Variants in LRRC4C observed in about 807,000 individuals in gnomAD.
The protein encoded by LRRC4C is leucine-rich repeat-containing protein 4C.
In LRRC4C, 5 loss-of-function variants were observed where a neutral mutation model predicts 33.6. That is an observed-to-expected ratio of 0.15 (90% confidence interval 0.08 to 0.31). The LOEUF is 0.31. Ranked by LOEUF, LRRC4C falls within the 10% of genes least tolerant of loss-of-function variation. LRRC4C has a pLI of 1.00. For missense variants in LRRC4C, 560 were observed against 796.7 expected (o/e 0.70, Z 3.58); for synonymous variants, 329 against 302.0 (o/e 1.09, Z -0.93).
At chr11:40,775,450 C>T (rs1215161037) in intron 2 of LRRC4C, among the ~76,000 whole-genome samples, 7 of 151,430 alleles carry the variant, frequency 4.6e-5, no homozygotes, top group Non-Finnish European at 1.5e-5. Context: ...GACTTGAGGA[C>T]ATATAATCTC....
chr11:40,518,620 A>G (rs545009026), intron 3 of LRRC4C, among the ~76,000 whole-genome samples: 3 of 152,270 alleles, frequency 2.0e-5, no homozygotes, highest in Admixed American at 6.5e-5. Context: ...TGGAGACGAT[A>G]TGGAGAAATA....
chr11:40,300,335 G>A (rs1944710493), intron 4 of LRRC4C, among the ~76,000 whole-genome samples: 2 of 152,178 alleles, frequency 1.3e-5, no homozygotes, highest in South Asian at 4.1e-4. Flanking sequence ...ATGTGTTCAA[G>A]GCTTCATGAA....
intron 1 of LRRC4C, among the ~76,000 whole-genome samples, chr11:41,001,947 C>T (rs1854413742): frequency 6.6e-6 from 1 of 151,354 alleles, no homozygotes; most frequent in Admixed American, 6.6e-5. Flanking sequence ...CTTTACTAAA[C>T]ATGTGGTTAC....
chr11:40,957,301 T>C (rs1035905622), intron 1 of LRRC4C, among the ~76,000 whole-genome samples: 1 of 151,742 alleles, frequency 6.6e-6, no homozygotes. Flanking sequence ...GGCGGGCTAG[T>C]ATCACAGGTA....
chr11:41,031,797 A>G (rs1046099079), intron 1 of LRRC4C, among the ~76,000 whole-genome samples: 1 of 152,046 alleles, frequency 6.6e-6, no homozygotes, highest in Non-Finnish European at 1.5e-5. Flanking sequence ...GCCAAGTTCT[A>G]GAAAGAGCAG....
chr11:40,777,413 G>T (rs1453450546), intron 2 of LRRC4C, among the ~76,000 whole-genome samples: 1 of 151,410 alleles, frequency 6.6e-6, no homozygotes, highest in East Asian at 1.9e-4. Flanking sequence ...CTAATTTGGG[G>T]TGTGTATATG....
chr11:41,191,481 G>A (rs1212084867), intron 1 of LRRC4C, among the ~76,000 whole-genome samples: 1 of 152,098 alleles, frequency 6.6e-6, no homozygotes, highest in Non-Finnish European at 1.5e-5. Context: ...GTAGTGAAAA[G>A]AAAAAGTGGA....
At chr11:40,634,389 G>C (rs188410159) in intron 3 of LRRC4C, among the ~76,000 whole-genome samples, 9 of 152,222 alleles carry the variant, frequency 5.9e-5, no homozygotes, top group Admixed American at 2.6e-4. Flanking sequence ...CAGATGAAAG[G>C]AAGTTGGTTT....
Position 40,865,511 on chromosome 11 carries a change from G to GTATATATA in LRRC4C, c.-407+68116_-407+68123dup, listed in dbSNP as rs68153820. On this transcript the variant is annotated intron_variant, in intron 2 of 6. Transcript: ENST00000528697. ...GTCAGATTTAGCCATTCCACAGTGT[G>GTATATATA]TATATATATATATATATATATAATT... 3.3e-3 allele frequency among the ~76,000 whole-genome samples: 479 copies of GTATATATA among 147,040 alleles called. 3 individuals carry two copies. Among genetic ancestry groups the GTATATATA allele is most frequent in the African/African-American group, 0.011 (426 of 40,036 alleles).
intron 5 of LRRC4C, among the ~76,000 whole-genome samples, chr11:40,204,550 G>T (rs969747204): frequency 2.0e-5 from 3 of 152,030 alleles, no homozygotes; most frequent in East Asian, 1.9e-4. Flanking sequence ...AGACAGCATC[G>T]CTATCTCCCA....
chr11:40,231,563 C>T (rs1285501582), intron 5 of LRRC4C, among the ~76,000 whole-genome samples: 1 of 152,120 alleles, frequency 6.6e-6, no homozygotes, highest in Admixed American at 6.5e-5. Context: ...TACTAAATCA[C>T]TTTAAATTAT....
At chr11:40,349,858 A>T (rs920109900) in intron 3 of LRRC4C, among the ~76,000 whole-genome samples, 1 of 152,050 alleles carries the variant, frequency 6.6e-6, no homozygotes, top group African/African-American at 2.4e-5. Flanking sequence ...CTTGTTTGCC[A>T]TTTGTATGCG....
intron 3 of LRRC4C, among the ~76,000 whole-genome samples, chr11:40,436,733 C>A (rs1346629741): frequency 6.6e-6 from 1 of 152,164 alleles, no homozygotes; most frequent in East Asian, 1.9e-4. Context: ...ACCAGCTGAG[C>A]TGGAGAGAAT....
Position 41,373,292 on chromosome 11 carries a change from C to T in LRRC4C, c.-496+86139G>A, listed in dbSNP as rs563389151. Among the ~76,000 whole-genome samples, 16 of 152,042 alleles carry T rather than the reference C, an allele frequency of 1.1e-4. No individual in the cohort carries two copies. In the East Asian group the frequency reaches 1.7e-3, roughly 17 times the overall value. Reference sequence around the variant, plus strand: ...TGGCCCAATATTTTTAAAATAACTACGTTTAGTTGTGTGTTTATTATACCC... The same window carrying T: ...TGGCCCAATATTTTTAAAATAACTATGTTTAGTTGTGTGTTTATTATACCC... On this transcript the variant is annotated intron_variant, in intron 1 of 6. Transcript: ENST00000528697.
At chr11:40,791,720 A>T (rs1950629300) in intron 2 of LRRC4C, among the ~76,000 whole-genome samples, 1 of 152,214 alleles carries the variant, frequency 6.6e-6, no homozygotes, top group South Asian at 2.1e-4. Flanking sequence ...TGTGGAAAGA[A>T]AATAAAGCAG....
At chr11:41,392,716 C>T (rs944597344) in intron 1 of LRRC4C, among the ~76,000 whole-genome samples, 5 of 145,052 alleles carry the variant, frequency 3.4e-5, no homozygotes, top group East Asian at 2.1e-4. Context: ...CATTTAAAGA[C>T]ACACACAGGG....
intron 1 of LRRC4C, among the ~76,000 whole-genome samples, chr11:41,063,420 C>T (rs556962198): frequency 1.3e-5 from 2 of 152,166 alleles, no homozygotes; most frequent in Non-Finnish European, 2.9e-5. Context: ...CATTTAGTTA[C>T]TAAGGGCTAA....
At chr11:41,107,058 A>G (rs1342925560) in intron 1 of LRRC4C, among the ~76,000 whole-genome samples, 1 of 141,034 alleles carries the variant, frequency 7.1e-6, no homozygotes, top group African/African-American at 2.6e-5. Flanking sequence ...TTAGGTTTTG[A>G]TTTTTTTTTT....
intron 3 of LRRC4C, among the ~76,000 whole-genome samples, chr11:40,492,235 G>C (rs1207137730): frequency 6.6e-6 from 1 of 152,054 alleles, no homozygotes; most frequent in Non-Finnish European, 1.5e-5. Flanking sequence ...TTTGTCACTC[G>C]ACTACGTTGT....
Sources: allele counts gnomAD v4.1 joint callset (sites outside exome capture counted in the v4.1 genomes callset), GRCh38; gene constraint gnomAD v4.1.1; transcripts MANE v1.5; gene names NCBI Gene and HGNC (gene_info 2026-07-23, HGNC 2026-07-21).